CFAP61: variants seen among roughly 807,000 people sequenced by gnomAD.
CFAP61 encodes cilia- and flagella-associated protein 61.
Under a neutral mutation model 135.6 loss-of-function variants are expected in CFAP61, and 107 were observed. That is an observed-to-expected ratio of 0.79 (90% CI 0.67 to 0.93). CFAP61 has a LOEUF of 0.93. CFAP61 is among the 40% of genes least tolerant of loss of function. CFAP61 has a pLI of 0.00. For synonymous variants in CFAP61, 575 were observed against 578.5 expected (o/e 0.99, Z 0.09); for missense variants, 1,507 against 1,556.2 (o/e 0.97, Z 0.53).
intron 17 of CFAP61, among the ~76,000 whole-genome samples, chr20:20,205,756 G>C (rs1356729728): frequency 6.6e-6 from 1 of 152,218 alleles, no homozygotes; most frequent in African/African-American, 2.4e-5. Context: ...GATTCAGGCT[G>C]TCTGCAGTTA....
At chr20:20,118,253 GTTTCTTTCTTTCTTTCTTTCTTTC>G (rs148875515) in intron 8 of CFAP61, among the ~76,000 whole-genome samples, 87 of 138,610 alleles carry the variant, frequency 6.3e-4, no homozygotes, top group Middle Eastern at 3.6e-3. Flanking sequence ...TTTGAGGTAT[GTTTCTTTCTTTCTTTCTTTCTTTC>G]TTTCTTTCTT....
chr20:20,179,872 TAACTC>T (rs1199280923), intron 13 of CFAP61, among the ~76,000 whole-genome samples: 8 of 152,030 alleles, frequency 5.3e-5, no homozygotes, highest in Admixed American at 4.6e-4. Context: ...ATACAAAAAT[TAACTC>T]AAGGATTAAA....
chr20:20,228,478 G>GGAGTACCAAACAATCTCA, intron 18 of CFAP61, 102 bp downstream of exon 18: 1 of 980,160 alleles, frequency 1.0e-6, no homozygotes. Context: ...GAGATTGTTT[G>GGAGTACCAAACAATCTCA]GTACTCCACA....
chr20:20,113,709 CA>C (rs1462057712), intron 8 of CFAP61, among the ~76,000 whole-genome samples: 1 of 152,018 alleles, frequency 6.6e-6, no homozygotes, highest in Non-Finnish European at 1.5e-5. Context: ...TATGAATATC[CA>C]ATTGACTAAG....
chr20:20,166,442 T>C lies in CFAP61; in HGVS notation c.1245+6T>C, dbSNP rs1482942647. The stretch of plus-strand genomic sequence containing the variant: ...TTGTTTTCAGTCTTTTTTCTGTAAG[T>C]ACATGCTGAATTTTGAGAACTGATT... On this transcript the variant is annotated splice_donor_region_variant and intron_variant, in intron 12 of 26. Coordinates refer to ENST00000245957, the MANE Select transcript of CFAP61 (RefSeq NM_015585.4). 1 of 1,610,454 alleles carries C rather than the reference T, an allele frequency of 6.2e-7. No individual in the cohort carries two copies. The highest frequency in any genetic ancestry group is 8.5e-7 in the Non-Finnish European group (1 of 1,176,956).
intron 18 of CFAP61, among the ~76,000 whole-genome samples, chr20:20,230,772 T>C (rs1014867740): frequency 6.6e-6 from 1 of 152,152 alleles, no homozygotes; most frequent in African/African-American, 2.4e-5. Context: ...GCCGGGCTGG[T>C]CTCGAACTCC....
chr20:20,099,563 G>T (rs2047853489), intron 8 of CFAP61, among the ~76,000 whole-genome samples: 1 of 114,582 alleles, frequency 8.7e-6, no homozygotes, highest in East Asian at 2.9e-4. Flanking sequence ...GGGCATAATA[G>T]TAATACCTCC....
chr20:20,154,263 A>G (rs575653625), intron 9 of CFAP61, among the ~76,000 whole-genome samples: 1 of 152,230 alleles, frequency 6.6e-6, no homozygotes, highest in African/African-American at 2.4e-5. Flanking sequence ...TGAACAAGGA[A>G]AAGTTGAAAT....
chr20:20,357,035 C>G (rs76350054), intron 26 of CFAP61, among the ~76,000 whole-genome samples: 5 of 34,636 alleles, frequency 1.4e-4, no homozygotes, highest in African/African-American at 1.7e-4. Flanking sequence ...GGTGGTCACA[C>G]TGAGAGGAGG....
intron 6 of CFAP61, among the ~76,000 whole-genome samples, chr20:20,086,290 A>G (rs375510078): frequency 6.8e-6 from 1 of 146,962 alleles, no homozygotes; most frequent in South Asian, 2.2e-4. Context: ...AGTATTAGGT[A>G]TATCTCCTAA....
intron 25 of CFAP61, among the ~76,000 whole-genome samples, chr20:20,339,023 A>C (rs945625830): frequency 5.9e-5 from 9 of 152,198 alleles, no homozygotes; most frequent in African/African-American, 2.2e-4. Context: ...AATGTCTTCT[A>C]TTTCAGTCTT....
chr20:20,145,273 A>G (rs2051780603), intron 9 of CFAP61, among the ~76,000 whole-genome samples: 2 of 152,212 alleles, frequency 1.3e-5, no homozygotes, highest in African/African-American at 4.8e-5. Flanking sequence ...CCAGAGGGGA[A>G]AAGTATACTA....
chr20:20,292,593 T>C (rs982488228), intron 24 of CFAP61, among the ~76,000 whole-genome samples: 1 of 152,188 alleles, frequency 6.6e-6, no homozygotes, highest in Non-Finnish European at 1.5e-5. Context: ...GAGGGTTAGA[T>C]CAATGGTCCA....
At chr20:20,240,805 G>A (rs2049967475) in intron 18 of CFAP61, among the ~76,000 whole-genome samples, 1 of 152,114 alleles carries the variant, frequency 6.6e-6, no homozygotes, top group Non-Finnish European at 1.5e-5. Context: ...CTGAGTTCTG[G>A]CTAGGTAAGC....
chr20:20,228,791 T>C (rs989601388), intron 18 of CFAP61, among the ~76,000 whole-genome samples: 1 of 152,158 alleles, frequency 6.6e-6, no homozygotes, highest in African/African-American at 2.4e-5. Context: ...AGGAATGTTT[T>C]CCTTACTGGC....
chr20:20,138,141 C>T, intron 8 of CFAP61, among the ~76,000 whole-genome samples: 1 of 152,144 alleles, frequency 6.6e-6, no homozygotes, highest in Admixed American at 6.5e-5. Flanking sequence ...AGACAAAGTC[C>T]TCTTCACTCC....
In CFAP61 at chr20:20,251,570, A is replaced by G. The variant is rs752628331; in HGVS notation, c.2160-25A>G. 3.7e-6 allele frequency: 6 copies of G among 1,611,508 alleles called. No individual in the cohort carries two copies. The Admixed American group carries it at 8.3e-5, about 22-fold the overall frequency. On this transcript the variant is annotated intron_variant, in intron 19 of 26. Coordinates refer to ENST00000245957, the MANE Select transcript of CFAP61 (RefSeq NM_015585.4). ...GCCCGCTGTCAGCTGCTCAGATGTCACTTACGGAGCTTCTCTCTTTGCAGC... is the reference window on the plus strand; with the variant it reads ...GCCCGCTGTCAGCTGCTCAGATGTCGCTTACGGAGCTTCTCTCTTTGCAGC...
intron 26 of CFAP61, among the ~76,000 whole-genome samples, chr20:20,348,313 C>G (rs957998275): frequency 6.6e-6 from 1 of 151,992 alleles, no homozygotes; most frequent in Non-Finnish European, 1.5e-5. Context: ...GACTAAACAC[C>G]CAGCTGAGTG....
intron 21 of CFAP61, chr20:20,265,804 GA>G: frequency 3.9e-6 from 1 of 255,788 alleles, no homozygotes; most frequent in Non-Finnish European, 7.4e-6. Context: ...AAAAAGTTAA[GA>G]AAAAATGTTA....
Sources: allele counts gnomAD v4.1 joint callset (sites outside exome capture counted in the v4.1 genomes callset), GRCh38; gene constraint gnomAD v4.1.1; transcripts MANE v1.5; gene names NCBI Gene and HGNC (gene_info 2026-07-23, HGNC 2026-07-21).